The following KIF16B variants were observed in gnomAD, a reference collection of about 807,000 sequenced individuals.
KIF16B encodes kinesin family member 16B, also known as kinesin-like protein KIF16B.
A neutral mutation model predicts 156.3 loss-of-function variants in KIF16B; 98 were observed. That is an observed-to-expected ratio of 0.63 (90% CI 0.53 to 0.74). The LOEUF is 0.74. KIF16B is among the 30% of genes least tolerant of loss of function. The pLI is 0.00. For synonymous variants in KIF16B, 564 were observed against 583.7 expected, an observed-to-expected ratio of 0.97 and a Z score of 0.49; for missense variants, 1,421 against 1,606.5, an observed-to-expected ratio of 0.88 and a Z score of 1.97.
At chr20:16,285,654 A>C (rs967636152) in intron 25 of KIF16B, among the ~76,000 whole-genome samples, 1 of 136,614 alleles carries the variant, frequency 7.3e-6, no homozygotes, top group Non-Finnish European at 1.6e-5. Flanking sequence ...TTGTCTCTAC[A>C]AAAAATACAA....
At chr20:16,538,557 C>G (rs918174115) in intron 1 of KIF16B, among the ~76,000 whole-genome samples, 1 of 151,916 alleles carries the variant, frequency 6.6e-6, no homozygotes, top group African/African-American at 2.4e-5. Context: ...ACAAATGAAC[C>G]AGCTGGAGTA....
At chr20:16,463,641 G>A (rs2067409329) in intron 12 of KIF16B, among the ~76,000 whole-genome samples, 2 of 152,152 alleles carry the variant, frequency 1.3e-5, no homozygotes, top group South Asian at 4.2e-4. Flanking sequence ...AATTTAACAA[G>A]GTGCCCTAAA....
At chr20:16,510,788 CA>C in intron 6 of KIF16B, among the ~76,000 whole-genome samples, 1 of 152,216 alleles carries the variant, frequency 6.6e-6, no homozygotes, top group African/African-American at 2.4e-5. Flanking sequence ...AAATGAAGAA[CA>C]TGAAAGCACA....
chr20:16,354,477 T>TACACACACAC (rs10567864), intron 23 of KIF16B, among the ~76,000 whole-genome samples: 45 of 148,748 alleles, frequency 3.0e-4, no homozygotes, highest in African/African-American at 5.7e-4. Flanking sequence ...AATGGAATTC[T>TACACACACAC]ACACACACAC....
At chr20:16,537,601 G>C (rs1248715291) in intron 1 of KIF16B, among the ~76,000 whole-genome samples, 1 of 151,598 alleles carries the variant, frequency 6.6e-6, no homozygotes, top group African/African-American at 2.4e-5. Flanking sequence ...TCCCACGTGG[G>C]TCTCCCTATG....
intron 12 of KIF16B, among the ~76,000 whole-genome samples, chr20:16,491,547 T>G (rs576792671): frequency 3.9e-5 from 6 of 152,328 alleles, no homozygotes; most frequent in African/African-American, 1.2e-4. Flanking sequence ...CTTAATGATG[T>G]CTTCCTCTGT....
chr20:16,330,851 A>G (rs1044286486), intron 24 of KIF16B, among the ~76,000 whole-genome samples: 1 of 152,212 alleles, frequency 6.6e-6, no homozygotes, highest in East Asian at 1.9e-4. Context: ...GTTATAAGAG[A>G]CACTGGCTCC....
intron 16 of KIF16B, among the ~76,000 whole-genome samples, chr20:16,406,017 G>A (rs2065774166): frequency 6.6e-6 from 1 of 152,100 alleles, no homozygotes; most frequent in Non-Finnish European, 1.5e-5. Context: ...GCTGATTTTG[G>A]ATTAATGTGA....
intron 3 of KIF16B, among the ~76,000 whole-genome samples, chr20:16,522,983 AC>A (rs1435486908): frequency 6.6e-6 from 1 of 152,072 alleles, no homozygotes; most frequent in Non-Finnish European, 1.5e-5. Flanking sequence ...AAAACTCAAC[AC>A]CCTTCATGCT....
At chr20:16,539,467 T>C (rs949274533) in intron 1 of KIF16B, among the ~76,000 whole-genome samples, 24 of 152,286 alleles carry the variant, frequency 1.6e-4, no homozygotes, top group African/African-American at 5.3e-4. Context: ...AACTTGAGCG[T>C]GATGACCTAG....
Position 16,417,576 on chromosome 20 carries a change from T to C in KIF16B, c.1612+9528A>G, listed in dbSNP as rs1020565057. On this transcript the variant is annotated intron_variant, in intron 15 of 25. Coordinates refer to ENST00000354981, the MANE Select transcript of KIF16B (RefSeq NM_024704.5). ...AGAACCAGGAAAATCCCAACATGCA[T>C]TGCAAAAAACAATCAACAAATGTTT... is the stretch of plus-strand genomic sequence containing the variant. Among the ~76,000 whole-genome samples, 53 of 152,100 alleles carry C rather than the reference T, an allele frequency of 3.5e-4. 1 individual carries two copies. The highest frequency in any genetic ancestry group is 6.3e-4 in the Non-Finnish European group (43 of 67,964).
chr20:16,573,126 C>G (rs1046380881), intron 1 of KIF16B, 103 bp downstream of exon 1: 30 of 1,177,224 alleles, frequency 2.5e-5, no homozygotes, highest in Non-Finnish European at 3.5e-5. Context: ...CAGGGACCAG[C>G]CGGTGACACT....
At chr20:16,485,325 G>GT (rs1180389535) in intron 12 of KIF16B, among the ~76,000 whole-genome samples, 1 of 152,040 alleles carries the variant, frequency 6.6e-6, no homozygotes, top group East Asian at 1.9e-4. Flanking sequence ...AAGCCACTAG[G>GT]TTTTAAGGCA....
At chr20:16,434,845 C>T (rs1227059275) in intron 12 of KIF16B, among the ~76,000 whole-genome samples, 1 of 152,010 alleles carries the variant, frequency 6.6e-6, no homozygotes, top group African/African-American at 2.4e-5. Context: ...TGACTCACAT[C>T]ATAAAGTGCA....
chr20:16,410,205 G>C (rs2065913441), intron 15 of KIF16B, among the ~76,000 whole-genome samples: 1 of 139,450 alleles, frequency 7.2e-6, no homozygotes, highest in Non-Finnish European at 1.6e-5. Context: ...ATATATGTAG[G>C]TACATATACA....
At chr20:16,336,888 T>C (rs1189701284) in intron 23 of KIF16B, among the ~76,000 whole-genome samples, 1 of 152,198 alleles carries the variant, frequency 6.6e-6, no homozygotes, top group African/African-American at 2.4e-5. Context: ...CAGCACCATT[T>C]GACTTTAGGC....
intron 17 of KIF16B, among the ~76,000 whole-genome samples, chr20:16,387,601 G>C (rs1471563084): frequency 6.6e-6 from 1 of 152,214 alleles, no homozygotes; most frequent in Non-Finnish European, 1.5e-5. Flanking sequence ...TAGTTTCAAA[G>C]AATCACTGAA....
intron 23 of KIF16B, among the ~76,000 whole-genome samples, chr20:16,336,914 G>A (rs1399517544): frequency 6.6e-6 from 1 of 152,102 alleles, no homozygotes; most frequent in African/African-American, 2.4e-5. Flanking sequence ...GGTCTCCTGT[G>A]GACTCTGCAA....
intron 24 of KIF16B, among the ~76,000 whole-genome samples, chr20:16,313,096 C>T (rs2063645523): frequency 6.6e-6 from 1 of 152,186 alleles, no homozygotes; most frequent in African/African-American, 2.4e-5. Flanking sequence ...AGTTTTACTA[C>T]AGATTCCCAG....
Sources: gnomAD v4.1 joint callset for allele counts (sites outside exome capture counted in the v4.1 genomes callset) on GRCh38, gnomAD v4.1.1 for gene constraint, MANE v1.5 for transcripts, NCBI Gene and HGNC (gene_info 2026-07-23, HGNC 2026-07-21) for gene names.